JPT1: variants seen among roughly 807,000 people sequenced by gnomAD.
JPT1 encodes the protein Jupiter microtubule associated homolog 1.
JPT1 carries 5 observed loss-of-function variants against 17.0 expected under a neutral mutation model. The ratio of observed to expected loss-of-function variants is 0.29; its 90% CI spans 0.15 to 0.62. The LOEUF (loss-of-function observed/expected upper bound fraction) is 0.62. Among genes scored for constraint, JPT1 ranks in the 20% least tolerant of loss-of-function variants. The probability of loss-of-function intolerance (pLI) is 0.85; values close to 1 mark genes in which losing one functional copy is unlikely to be tolerated. For missense variants in JPT1, 158 were observed against 188.1 expected (o/e 0.84, Z 0.94); for synonymous variants, 71 against 73.6 (o/e 0.96, Z 0.18).
rs1315909226 is a variant in JPT1, at chr17:75,135,972, AAAAGAC to A, written c.*124_*129del. The A allele has an allele frequency of 6.4e-7, 1 of 1,566,884 alleles. No homozygotes were observed. Among genetic ancestry groups the A allele is most frequent in the Non-Finnish European group, 8.6e-7 (1 of 1,157,936 alleles). On this transcript the variant is annotated 3_prime_UTR_variant, in exon 5 of 5. Coordinates refer to ENST00000409753, the MANE Select transcript of JPT1 (RefSeq NM_016185.4). Reference sequence around the variant, plus strand: ...AACCTGTTCTTCAAAAGAAAAAAAAAAAAGACAGCAGTACATAAAGTGCTTCTTTTT... The same window carrying A: ...AACCTGTTCTTCAAAAGAAAAAAAAAAGCAGTACATAAAGTGCTTCTTTTT...
At position 75,135,802 on chromosome 17, in the gene JPT1, G is replaced by C; in HGVS notation, c.*300C>G. The C allele has an allele frequency of 1.8e-6, 1 of 563,744 alleles. No homozygotes were observed. The highest frequency in any genetic ancestry group is 3.1e-6 in the Non-Finnish European group (1 of 322,290). The allele number at this position is 563,744 out of a possible 1,614,324, so 34.9% of individuals were successfully genotyped here. On this transcript the variant is annotated 3_prime_UTR_variant, in exon 5 of 5. Transcript: ENST00000409753. The stretch of plus-strand genomic sequence containing the variant: ...CCCAAGTAAAGTGTTAAAAACCTCA[G>C]TACAAAAGATCCTCTAACACATCTG...
intron 2 of JPT1, 196 bp from the exon 3 acceptor site, chr17:75,147,849 A>C: frequency 1.9e-6 from 1 of 518,410 alleles, no homozygotes; most frequent in Non-Finnish European, 3.5e-6. Flanking sequence ...AAATATAAAA[A>C]TTGGCTGGAC....
intron 1 of JPT1, chr17:75,154,096 G>A (rs1773092522): frequency 4.2e-6 from 1 of 239,994 alleles, no homozygotes; most frequent in Non-Finnish European, 7.9e-6. Context: ...GACCAGCCCC[G>A]GCCTCCTCAG....
chr17:75,144,827 A>C (rs1290338466), intron 4 of JPT1, among the ~76,000 whole-genome samples: 1 of 152,070 alleles, frequency 6.6e-6, no homozygotes, highest in Non-Finnish European at 1.5e-5. Context: ...GAAACCCCCC[A>C]TATTTGGTCA....
chr17:75,153,521 G>A (rs1189684091), intron 1 of JPT1: 1 of 152,236 alleles, frequency 6.6e-6, no homozygotes, highest in African/African-American at 2.4e-5. Flanking sequence ...AGGAAGCGAA[G>A]GTAGGATGCA....
At chr17:75,150,838 T>C (rs1314044484) in intron 1 of JPT1, among the ~76,000 whole-genome samples, 1 of 137,844 alleles carries the variant, frequency 7.3e-6, no homozygotes, top group African/African-American at 2.9e-5. Context: ...ATAAGCAACA[T>C]TTTTCTTTCT....
At chr17:75,154,235 C>G in intron 1 of JPT1, 107 bp downstream of exon 1, 2 of 812,886 alleles carry the variant, frequency 2.5e-6, no homozygotes, top group South Asian at 4.6e-5. Flanking sequence ...GGCGCGAGCA[C>G]AGCGCACGGG....
chr17:75,145,380 C>A (rs896654472), intron 4 of JPT1: 1 of 152,238 alleles, frequency 6.6e-6, no homozygotes, highest in African/African-American at 2.4e-5. Context: ...CTGACACTTA[C>A]AAACCTTGCA....
chr17:75,137,741 G>A (rs1476226386), intron 4 of JPT1, among the ~76,000 whole-genome samples: 1 of 134,274 alleles, frequency 7.4e-6, no homozygotes, highest in African/African-American at 3.1e-5. Context: ...TCTGCCTCCT[G>A]GGTTCAAGCA....
At chr17:75,137,798 C>A (rs1320574022) in intron 4 of JPT1, among the ~76,000 whole-genome samples, 1 of 148,380 alleles carries the variant, frequency 6.7e-6, no homozygotes, top group African/African-American at 2.5e-5. Flanking sequence ...CAGGCATGCA[C>A]CACCATGCCT....
chr17:75,146,146 T>C (rs1480415652), intron 4 of JPT1, among the ~76,000 whole-genome samples: 1 of 152,070 alleles, frequency 6.6e-6, no homozygotes, highest in Non-Finnish European at 1.5e-5. Flanking sequence ...TGTGTTTAGA[T>C]ATATTTTGGT....
At chr17:75,142,150 A>G (rs2074325872) in intron 4 of JPT1, among the ~76,000 whole-genome samples, 1 of 152,186 alleles carries the variant, frequency 6.6e-6, no homozygotes, top group Non-Finnish European at 1.5e-5. Context: ...CATTGTTGAC[A>G]TACTTCTCCA....
intron 4 of JPT1, among the ~76,000 whole-genome samples, chr17:75,137,916 G>T (rs1307583236): frequency 6.6e-6 from 1 of 151,842 alleles, no homozygotes; most frequent in Non-Finnish European, 1.5e-5. Context: ...CCAAAGTGCT[G>T]GGATTACAGG....
intron 4 of JPT1, 164 bp downstream of exon 4, chr17:75,146,502 T>C: frequency 1.7e-6 from 1 of 583,046 alleles, no homozygotes; most frequent in Non-Finnish European, 3.1e-6. Flanking sequence ...CTATTATGTT[T>C]CTAGCATTGA....
In JPT1 at chr17:75,135,806, A is replaced by G; in HGVS notation, c.*296T>C. On this transcript the variant is annotated 3_prime_UTR_variant, in exon 5 of 5. Coordinates refer to ENST00000409753, the MANE Select transcript of JPT1 (RefSeq NM_016185.4). ...AGTAAAGTGTTAAAAACCTCAGTAC[A>G]AAAGATCCTCTAACACATCTGGAAC... is the stretch of plus-strand genomic sequence containing the variant. 2 of 574,762 alleles carry G rather than the reference A, an allele frequency of 3.5e-6. No homozygotes were observed. The highest frequency in any genetic ancestry group is 2.9e-5 in the East Asian group (1 of 34,612). The allele number at this position is 574,762 out of a possible 1,614,324, so 35.6% of individuals were successfully genotyped here.
chr17:75,152,194 G>A (rs1389755171), intron 1 of JPT1, among the ~76,000 whole-genome samples: 1 of 152,070 alleles, frequency 6.6e-6, no homozygotes, highest in African/African-American at 2.4e-5. Context: ...CAATGTTTTA[G>A]GATCCTACTA....
At chr17:75,146,522 T>C in intron 4 of JPT1, 144 bp downstream of exon 4, 1 of 607,730 alleles carries the variant, frequency 1.6e-6, no homozygotes, top group Non-Finnish European at 3.0e-6. Flanking sequence ...ATCGCGTTAC[T>C]GGCAGATTAG....
intron 4 of JPT1, chr17:75,145,438 C>T (rs1220279469): frequency 6.6e-6 from 1 of 152,168 alleles, no homozygotes; most frequent in Non-Finnish European, 1.5e-5. Flanking sequence ...CAATAAATAC[C>T]TCCAAGATTT....
At chr17:75,140,233 T>C (rs1486201081) in intron 4 of JPT1, among the ~76,000 whole-genome samples, 2 of 152,090 alleles carry the variant, frequency 1.3e-5, no homozygotes, top group Non-Finnish European at 2.9e-5. Flanking sequence ...TAGAAACTTT[T>C]ATGCCAATTT....
Sources: gnomAD v4.1 joint callset for allele counts (sites outside exome capture counted in the v4.1 genomes callset) on GRCh38, gnomAD v4.1.1 for gene constraint, MANE v1.5 for transcripts, NCBI Gene and HGNC (gene_info 2026-07-23, HGNC 2026-07-21) for gene names.